The following PLEKHA4 variants were observed in gnomAD, a reference collection of about 807,000 sequenced individuals.
PLEKHA4 encodes the protein pleckstrin homology domain containing A4, also known as pleckstrin homology domain-containing family A member 4.
In PLEKHA4, 73 loss-of-function variants were observed where a neutral mutation model predicts 94.7. The ratio of observed to expected loss-of-function variants is 0.77; its 90% CI spans 0.64 to 0.94. PLEKHA4 has a LOEUF of 0.94. PLEKHA4 is among the 40% of genes least tolerant of loss of function. PLEKHA4 has a pLI of 0.00. For missense variants in PLEKHA4, 1,049 were observed against 1,054.1 expected (o/e 1.00, Z 0.07); for synonymous variants, 449 against 437.1 (o/e 1.03, Z -0.34).
Position 48,857,511 on chromosome 19 carries a change from G to A in PLEKHA4, c.973-15C>T. The A allele has an allele frequency of 6.7e-7, 1 of 1,491,690 alleles. No individual in the cohort carries two copies. Among genetic ancestry groups the A allele is most frequent in the Non-Finnish European group, 9.2e-7 (1 of 1,085,684 alleles). The allele number at this position is 1,491,690 out of a possible 1,614,324, so 92.4% of individuals were successfully genotyped here. ...CCAGAGTGTGCCTGGGAGGAACGTTGAAATGGAGATGTTTAGAAACTGGCA... is the reference window on the plus strand; with the variant it reads ...CCAGAGTGTGCCTGGGAGGAACGTTAAAATGGAGATGTTTAGAAACTGGCA... On this transcript the variant is annotated splice_polypyrimidine_tract_variant and intron_variant, in intron 8 of 19. Transcript: ENST00000263265.
At chr19:48,863,047 T>G (rs1192332015) in intron 3 of PLEKHA4, among the ~76,000 whole-genome samples, 1 of 152,110 alleles carries the variant, frequency 6.6e-6, no homozygotes, top group Non-Finnish European at 1.5e-5. Flanking sequence ...TCCACCTGCC[T>G]GAACTACTCA....
At chr19:48,866,897 T>C (rs951509475) in intron 2 of PLEKHA4, among the ~76,000 whole-genome samples, 1 of 152,112 alleles carries the variant, frequency 6.6e-6, no homozygotes, top group African/African-American at 2.4e-5. Context: ...AATCCCTCCA[T>C]CCTGCCCGGA....
At chr19:48,845,781 G>C (rs954734852) in intron 14 of PLEKHA4, among the ~76,000 whole-genome samples, 165 bp from the exon 15 acceptor site, 1 of 151,882 alleles carries the variant, frequency 6.6e-6, no homozygotes, top group Non-Finnish European at 1.5e-5. Context: ...TTGGGAGGCC[G>C]AGGCAGGCAG....
rs766482004 is a variant in PLEKHA4, at chr19:48,854,033, C to T, written c.1150G>A (p.Glu384Lys). 2.0e-5 allele frequency: 33 copies of T among 1,614,116 alleles called. No individual in the cohort carries two copies. In the South Asian group the frequency reaches 3.3e-4, roughly 16 times the overall value. The change falls in exon 11 of 20, where the codon GAG becomes AAG. Residue 384 changes from glutamate to lysine, a missense_variant. Transcript: ENST00000263265. ...TTCTCCTCCTGCTTCTGGTCTATCTCCTCCTGCAGCCTCCGCAGAAGCCGG... is the reference window on the plus strand; with the variant it reads ...TTCTCCTCCTGCTTCTGGTCTATCTTCTCCTGCAGCCTCCGCAGAAGCCGG... Reference protein sequence around the residue: ...QDRLLRRLQEEIDQKQEEKEQ... With the variant: ...QDRLLRRLQEKIDQKQEEKEQ...
Position 48,861,997 on chromosome 19 carries a change from C to T in PLEKHA4, c.193-305G>A, listed in dbSNP as rs547548033. ...AAAAAATTAGCCAGGTGTGGTGGCG[C>T]GTGCCTGTAGCCCCAGCTACTCCGG... On this transcript the variant is annotated intron_variant, in intron 3 of 19. Transcript: ENST00000263265. 8.6e-5 allele frequency among the ~76,000 whole-genome samples: 13 copies of T among 150,726 alleles called. No individual in the cohort carries two copies. In the South Asian group the frequency reaches 2.3e-3, roughly 27 times the overall value.
chr19:48,849,979 G>A (rs887065724), intron 13 of PLEKHA4, among the ~76,000 whole-genome samples: 9 of 151,980 alleles, frequency 5.9e-5, no homozygotes, highest in African/African-American at 1.2e-4. Context: ...TTGGGAGGCC[G>A]AGGCAGGCGG....
chr19:48,856,626 G>A (rs1241084540), intron 9 of PLEKHA4, among the ~76,000 whole-genome samples: 1 of 152,118 alleles, frequency 6.6e-6, no homozygotes, highest in Non-Finnish European at 1.5e-5. Context: ...GTTGAGGCAG[G>A]AGAATTGCTT....
chr19:48,844,361 G>C (rs1481162292), intron 16 of PLEKHA4: 1 of 619,266 alleles, frequency 1.6e-6, no homozygotes, highest in Admixed American at 6.4e-5. Context: ...CACCATGTTG[G>C]TCAATCTGGT....
chr19:48,853,026 T>C (rs181004984), intron 12 of PLEKHA4, among the ~76,000 whole-genome samples: 3 of 152,306 alleles, frequency 2.0e-5, no homozygotes, highest in Admixed American at 1.3e-4. Flanking sequence ...CTAACACTTA[T>C]TGGGCACTGA....
intron 13 of PLEKHA4, among the ~76,000 whole-genome samples, chr19:48,849,243 T>C (rs1419869062): frequency 1.3e-5 from 2 of 151,278 alleles, no homozygotes; most frequent in Non-Finnish European, 2.9e-5. Flanking sequence ...GTAGATCTAG[T>C]GGGAGCAGCT....
At chr19:48,856,996 G>A (rs1478229511) in intron 9 of PLEKHA4, among the ~76,000 whole-genome samples, 2 of 150,622 alleles carry the variant, frequency 1.3e-5, no homozygotes, top group Admixed American at 6.6e-5. Flanking sequence ...GTTAAGTTAC[G>A]ACGATGTCAT....
rs577127826 is a variant in PLEKHA4, at chr19:48,865,086, G to A, written c.192+417C>T. On this transcript the variant is annotated intron_variant, in intron 3 of 19. Transcript: ENST00000263265. ...GGGCCAGGCACGGTGGCTCACGCCT[G>A]TAATCCCAGCATTTTAGGGAGCCGA... Among the ~76,000 whole-genome samples the A allele has an allele frequency of 2.0e-5, 3 of 152,318 alleles. No individual in the cohort carries two copies. In the East Asian group the frequency reaches 5.8e-4, roughly 29 times the overall value.
In PLEKHA4 at chr19:48,860,509, G is replaced by C. The variant is rs745446863; in HGVS notation, c.367-50C>G. On this transcript the variant is annotated intron_variant, in intron 5 of 19. Transcript: ENST00000263265. ...CCGGACTCCCGGGCCTTGTAAAAAGGAGGACAGGCCGGACCGGTGACTCAT... is the reference window on the plus strand; with the variant it reads ...CCGGACTCCCGGGCCTTGTAAAAAGCAGGACAGGCCGGACCGGTGACTCAT... 5.5e-6 allele frequency: 8 copies of C among 1,447,328 alleles called. No individual in the cohort carries two copies. In the South Asian group the frequency reaches 9.2e-5, roughly 17 times the overall value. The allele number at this position is 1,447,328 out of a possible 1,614,324, so 89.7% of individuals were successfully genotyped here.
chr19:48,865,741 G>A (rs557440755), intron 2 of PLEKHA4, 131 bp from the exon 3 acceptor site: 6 of 609,702 alleles, frequency 9.8e-6, no homozygotes, highest in South Asian at 6.1e-5. Flanking sequence ...CCAGCCGGGC[G>A]CAGTGGCTCA....
Position 48,861,446 on chromosome 19 carries a change from T to C in PLEKHA4, c.321A>G (p.Arg107=), listed in dbSNP as rs1323546756. The change falls in exon 5 of 20, where the codon AGA becomes AGG. Residue 107 remains arginine, a synonymous_variant. Coordinates refer to ENST00000263265, the MANE Select transcript of PLEKHA4 (RefSeq NM_020904.3). ...CTCGGGGGGCTCCCGGCCCATCTGG[T>C]CTAATATTGTAGCTGGGGAGCAGGA... ...GSVLLPSYNI[R]PDGPGAPRGR... 1 of 1,613,894 alleles carries C rather than the reference T, an allele frequency of 6.2e-7. No individual in the cohort carries two copies.
rs566824171 is a variant in PLEKHA4, at chr19:48,859,797, T to C, written c.477-113A>G. ...CCCAAAAAAGGAAAGTTGTGCACTA[T>C]AAATCATCGTCCCCCTTCTTCAGAA... On this transcript the variant is annotated intron_variant, in intron 6 of 19. Transcript: ENST00000263265. 351 of 925,946 alleles carry C rather than the reference T, an allele frequency of 3.8e-4. No individual in the cohort carries two copies. The African/African-American group carries it at 5.2e-3, about 14-fold the overall frequency. 57.4% of individuals were successfully genotyped at this position (925,946 alleles called of 1,614,324 possible).
intron 18 of PLEKHA4, 180 bp from the exon 19 acceptor site, chr19:48,838,309 T>C (rs2122857528): frequency 2.1e-6 from 1 of 469,566 alleles, no homozygotes; most frequent in Admixed American, 3.5e-5. Context: ...TGTAACTAGA[T>C]TGTTTATACA....
chr19:48,853,656 G>C (rs910300617), intron 12 of PLEKHA4, 26 bp downstream of exon 12: 1 of 1,507,712 alleles, frequency 6.6e-7, no homozygotes, highest in Non-Finnish European at 8.8e-7. Context: ...CCTCCTAGGA[G>C]GGCAGGCCCC....
chr19:48,850,164 C>T (rs1357807960), intron 13 of PLEKHA4, among the ~76,000 whole-genome samples: 1 of 151,552 alleles, frequency 6.6e-6, no homozygotes, highest in Non-Finnish European at 1.5e-5. Context: ...CGAGATCACA[C>T]CACTGCACTC....
Sources: gnomAD v4.1 joint callset for allele counts (sites outside exome capture counted in the v4.1 genomes callset) on GRCh38, gnomAD v4.1.1 for gene constraint, MANE v1.5 for transcripts, NCBI Gene and HGNC (gene_info 2026-07-23, HGNC 2026-07-21) for gene names.